TMEM17: variants seen among roughly 807,000 people sequenced by gnomAD.
The protein encoded by TMEM17 is transmembrane protein 17.
A neutral mutation model predicts 19.1 loss-of-function variants in TMEM17; 15 were observed. The observed-to-expected ratio is 0.78, with a 90% CI of 0.52 to 1.21. The LOEUF (loss-of-function observed/expected upper bound fraction) is 1.21, where lower values mean the gene tolerates loss of function less well. TMEM17 is among the 50% of genes most tolerant of loss of function. TMEM17 has a pLI of 0.00. For missense variants in TMEM17, 245 were observed against 242.3 expected (o/e 1.01, Z -0.07); for synonymous variants, 103 against 86.9 (o/e 1.19, Z -1.03).
chr2:62,493,057 G>A, the TMEM17 span, among the ~76,000 whole-genome samples: 1 of 151,920 alleles, frequency 6.6e-6, no homozygotes, highest in Non-Finnish European at 1.5e-5. Flanking sequence ...TTTGATACAG[G>A]GTCTTACTCT....
intron 1 of TMEM17, among the ~76,000 whole-genome samples, chr2:62,503,383 G>A (rs140629230): frequency 6.6e-6 from 1 of 152,118 alleles, no homozygotes; most frequent in African/African-American, 2.4e-5. Context: ...ACTCTAAACT[G>A]TCAATAAGAA....
At chr2:62,463,386 AC>A in the TMEM17 span, 5 of 152,240 alleles carry the variant, frequency 3.3e-5, no homozygotes, top group African/African-American at 1.2e-4. Context: ...CTCGTAAAAT[AC>A]AAAATCACCA....
At chr2:62,463,743 G>C in the TMEM17 span, 1 of 152,198 alleles carries the variant, frequency 6.6e-6, no homozygotes, top group Non-Finnish European at 1.5e-5. Flanking sequence ...GGCCCAAAGT[G>C]AGAATTTCTA....
chr2:62,478,759 TA>T, the TMEM17 span, among the ~76,000 whole-genome samples: 9,130 of 149,374 alleles, frequency 0.061, 405 homozygotes, highest in South Asian at 0.1. Context: ...TTTCTTTATT[TA>T]AAAAAAAAAA....
chr2:62,486,959 G>A, the TMEM17 span, among the ~76,000 whole-genome samples: 5 of 152,022 alleles, frequency 3.3e-5, no homozygotes, highest in African/African-American at 1.2e-4. Flanking sequence ...ATGTGGGGTC[G>A]GGGAGCTGCT....
downstream of TMEM17, among the ~76,000 whole-genome samples, chr2:62,496,798 T>A (rs1276721302): frequency 6.6e-6 from 1 of 151,924 alleles, no homozygotes. Context: ...GAGCTCTATT[T>A]AAGTCTAATA....
chr2:62,457,164 A>G, the TMEM17 span, among the ~76,000 whole-genome samples: 1 of 152,150 alleles, frequency 6.6e-6, no homozygotes, highest in Non-Finnish European at 1.5e-5. This position sits in a 1 kb window ranked among gnomAD's most constrained non-coding sequence, Gnocchi z 4.2. Context: ...GGGCTGGCCG[A>G]GAGCCGGGGA....
chr2:62,458,394 C>T, the TMEM17 span, among the ~76,000 whole-genome samples: 4 of 152,226 alleles, frequency 2.6e-5, no homozygotes, highest in Admixed American at 1.3e-4. Flanking sequence ...AGATCATTCT[C>T]AGCAGTTCAT....
downstream of TMEM17, among the ~76,000 whole-genome samples, chr2:62,496,931 G>A (rs528095600): frequency 1.2e-4 from 18 of 152,270 alleles, no homozygotes; most frequent in South Asian, 3.3e-3. Context: ...TCCAGCCTTC[G>A]TGACAGAGCA....
chr2:62,462,256 C>T, the TMEM17 span, among the ~76,000 whole-genome samples: 1 of 152,166 alleles, frequency 6.6e-6, no homozygotes, highest in Non-Finnish European at 1.5e-5. Flanking sequence ...GGCCACCCCA[C>T]CCTCCACTCC....
At chr2:62,503,331 C>G (rs768738819) in intron 1 of TMEM17, among the ~76,000 whole-genome samples, 1 of 152,126 alleles carries the variant, frequency 6.6e-6, no homozygotes, top group Non-Finnish European at 1.5e-5. Context: ...TCATCAGTTC[C>G]CCCACCTCAG....
the TMEM17 span, among the ~76,000 whole-genome samples, chr2:62,464,221 GTTAAAAC>G: frequency 1.3e-5 from 2 of 152,242 alleles, no homozygotes; most frequent in Admixed American, 1.3e-4. Flanking sequence ...CCACTGAGCT[GTTAAAAC>G]TTAAGCTGTC....
At chr2:62,457,700 G>A in the TMEM17 span, among the ~76,000 whole-genome samples, 2 of 152,158 alleles carry the variant, frequency 1.3e-5, no homozygotes, top group African/African-American at 4.8e-5. This position sits in a 1 kb window ranked among gnomAD's most constrained non-coding sequence, Gnocchi z 4.2. Flanking sequence ...GCACCTGTGG[G>A]GCTGCAGCAA....
At chr2:62,491,220 A>G in the TMEM17 span, 1 of 152,498 alleles carries the variant, frequency 6.6e-6, no homozygotes, top group Non-Finnish European at 1.5e-5. Flanking sequence ...GCCACTCAGG[A>G]GGCTGAGGCA....
chr2:62,457,189 C>A, the TMEM17 span, among the ~76,000 whole-genome samples: 4 of 152,246 alleles, frequency 2.6e-5, no homozygotes, highest in African/African-American at 7.2e-5. The surrounding 1 kb of genome is among the most constrained non-coding windows in gnomAD (Gnocchi z 4.2). Context: ...CGACCCCGGG[C>A]GCCGCTGCCA....
rs964503115 is a variant in TMEM17 at position 62,501,706 on chromosome 2, T to C, written c.319-219A>G. The C allele has an allele frequency of 3.0e-5, 15 of 506,930 alleles. No individual in the cohort carries two copies. The Admixed American group carries it at 4.3e-4, about 14-fold the overall frequency. 31.4% of individuals were successfully genotyped at this position (506,930 alleles called of 1,614,324 possible). A position where few individuals can be genotyped will look rare whatever the true frequency, so the allele number is the denominator to read the frequency against. On this transcript the variant is annotated intron_variant, in intron 3 of 3. Coordinates refer to ENST00000335390, the MANE Select transcript of TMEM17 (RefSeq NM_198276.3). The stretch of plus-strand genomic sequence containing the variant: ...TAGAATACTACACTTTAGTGAACAA[T>C]TAAGTGCAATATTTAGAAGTACAGA...
intron 1 of TMEM17, among the ~76,000 whole-genome samples, chr2:62,503,828 C>A (rs1214003436): frequency 6.6e-6 from 1 of 152,238 alleles, no homozygotes; most frequent in Admixed American, 6.5e-5. Flanking sequence ...TGAAAGTATA[C>A]TGTCATAAGG....
the TMEM17 span, among the ~76,000 whole-genome samples, chr2:62,458,214 G>A: frequency 2.4e-3 from 370 of 152,350 alleles, 2 homozygotes; most frequent in African/African-American, 7.3e-3. Flanking sequence ...TAGTCTGGGC[G>A]GATCCCAGGA....
At chr2:62,486,930 C>CT in the TMEM17 span, among the ~76,000 whole-genome samples, 1 of 151,654 alleles carries the variant, frequency 6.6e-6, no homozygotes, top group Non-Finnish European at 1.5e-5. Context: ...AAGGCAGACA[C>CT]TGGGGGGTAA....
Sources: gnomAD v4.1 joint callset for allele counts (sites outside exome capture counted in the v4.1 genomes callset) on GRCh38, gnomAD v4.1.1 for gene constraint, Gnocchi (gnomAD v3.1) non-coding constraint, MANE v1.5 for transcripts, NCBI Gene and HGNC (gene_info 2026-07-23, HGNC 2026-07-21) for gene names.